AKAP13: variants seen among roughly 807,000 people sequenced by gnomAD.
The protein encoded by AKAP13 is A-kinase anchor protein 13.
Under a neutral mutation model 264.5 loss-of-function variants are expected in AKAP13, and 80 were observed. That is an observed-to-expected ratio of 0.30 (90% CI 0.25 to 0.36). The LOEUF (loss-of-function observed/expected upper bound fraction) is 0.36. Ranked by LOEUF, AKAP13 falls within the 10% of genes least tolerant of loss-of-function variation. The pLI is 1.00. For synonymous variants in AKAP13, 1,380 were observed against 1,250.2 expected (o/e 1.10, Z -2.19); for missense variants, 3,712 against 3,435.2 (o/e 1.08, Z -2.01).
intron 1 of AKAP13, among the ~76,000 whole-genome samples, chr15:85,398,958 G>A (rs988899864): frequency 6.6e-6 from 1 of 151,952 alleles, no homozygotes; most frequent in Non-Finnish European, 1.5e-5. Context: ...CCTTCCTCCT[G>A]CCTCTTTCCT....
At chr15:85,412,385 A>G (rs1357849820) in intron 1 of AKAP13, among the ~76,000 whole-genome samples, 1 of 152,238 alleles carries the variant, frequency 6.6e-6, no homozygotes, top group African/African-American at 2.4e-5. Flanking sequence ...AACCGTTTGA[A>G]TGCAGAAGCA....
chr15:85,585,557 A>G, intron 7 of AKAP13, 145 bp from the exon 8 acceptor site: 3 of 1,164,586 alleles, frequency 2.6e-6, no homozygotes, highest in Middle Eastern at 2.1e-4. Context: ...CAGAAATGAC[A>G]CTAGCCGCTG....
chr15:85,730,593 A>G lies in AKAP13; in HGVS notation c.7168A>G (p.Ser2390Gly). Residue 2390 changes from serine to glycine, a missense_variant, in exon 30 of 37, where the codon AGC becomes GGC. Physicochemically the swap from Ser to Gly is moderately conservative, Grantham distance 56 (BLOSUM62 0). This residue lies in a region of AKAP13 where 342 missense variants were observed against 484.3 expected (regional missense o/e 0.71). Transcript: ENST00000394518. ...GATTTTCCGGGACATGGCTGAGTGC[A>G]GCACCCCTCTCCCAGAGGATTGCTC... Reference protein sequence around the residue: ...EMIFRDMAECSTPLPEDCSPT... With the variant: ...EMIFRDMAECGTPLPEDCSPT... 6.2e-7 allele frequency: 1 copy of G among 1,614,182 alleles called. No individual in the cohort carries two copies. Among genetic ancestry groups the G allele is most frequent in the Non-Finnish European group, 8.5e-7 (1 of 1,180,016 alleles).
chr15:85,727,502 T>C lies in AKAP13; in HGVS notation c.7087+39T>C, dbSNP rs1597192970. 1.2e-6 allele frequency: 2 copies of C among 1,606,624 alleles called. No individual in the cohort carries two copies. The highest frequency in any genetic ancestry group is 8.5e-7 in the Non-Finnish European group (1 of 1,174,096). ...AGTGGTCTGAGCCCCTTGTCTGGAA[T>C]GTCTGCAGTTGCAGAAGACTGCTGG... On this transcript the variant is annotated intron_variant, in intron 29 of 36. Transcript: ENST00000394518. This position sits in a 1 kb window ranked among gnomAD's most constrained non-coding sequence, Gnocchi z 5.3.
intron 1 of AKAP13, among the ~76,000 whole-genome samples, chr15:85,448,643 T>C (rs1189716738): frequency 6.6e-6 from 1 of 152,190 alleles, no homozygotes; most frequent in Non-Finnish European, 1.5e-5. Context: ...TATTGCTTGT[T>C]TTTGTCACCT....
chr15:85,594,095 A>G (rs1459387780), intron 8 of AKAP13, among the ~76,000 whole-genome samples: 2 of 152,138 alleles, frequency 1.3e-5, no homozygotes, highest in Non-Finnish European at 2.9e-5. Context: ...GCCCATCTTA[A>G]GACAGTATGA....
In AKAP13 at chr15:85,718,156, T is replaced by C. The variant is rs766375786; in HGVS notation, c.5998T>C (p.Tyr2000His). ...KDVVKRQEVI[Y>H]ELMQTEFHHV... ...TGTGGTCAAACGGCAAGAAGTAATA[T>C]ATGGTGAGAGTCTTCATTTTGCTCT... The change falls in exon 22 of 37, where the codon TAT becomes CAT. Residue 2000 changes from tyrosine (Y) to histidine (H), a missense_variant. Physicochemically the swap from Tyr to His is moderately conservative, Grantham distance 83. Coordinates refer to ENST00000394518, the MANE Select transcript of AKAP13 (RefSeq NM_007200.5). The surrounding 1 kb of genome is among the most constrained non-coding windows in gnomAD (Gnocchi z 4.9). 1 of 1,614,074 alleles carries C rather than the reference T, an allele frequency of 6.2e-7. No individual in the cohort carries two copies. Among genetic ancestry groups the C allele is most frequent in the South Asian group, 1.1e-5 (1 of 91,072 alleles).
chr15:85,619,982 C>G (rs932599371), intron 8 of AKAP13: 2 of 1,486,630 alleles, frequency 1.3e-6, no homozygotes, highest in Non-Finnish European at 1.8e-6. Flanking sequence ...AGGCAGAGAT[C>G]TCCACCACCT....
chr15:85,598,024 A>G (rs961907655), intron 8 of AKAP13, among the ~76,000 whole-genome samples: 10 of 152,136 alleles, frequency 6.6e-5, no homozygotes, highest in African/African-American at 2.2e-4. Context: ...TTTGGTTTCT[A>G]TGAAAATAAT....
intron 5 of AKAP13, among the ~76,000 whole-genome samples, chr15:85,554,682 A>G (rs2078078319): frequency 6.6e-6 from 1 of 152,100 alleles, no homozygotes; most frequent in Admixed American, 6.5e-5. Context: ...GTCACAATAT[A>G]TCAATCGTTT....
At chr15:85,560,445 C>G (rs1272580455) in intron 5 of AKAP13, among the ~76,000 whole-genome samples, 2 of 152,052 alleles carry the variant, frequency 1.3e-5, no homozygotes, top group East Asian at 3.9e-4. Context: ...CTGCACCCAG[C>G]CTATTTATTT....
At chr15:85,742,502 G>A (rs1450809866) in intron 35 of AKAP13, among the ~76,000 whole-genome samples, 2 of 152,208 alleles carry the variant, frequency 1.3e-5, no homozygotes, top group East Asian at 1.9e-4. Flanking sequence ...AGGGGAGGCC[G>A]CCACTCCTCT....
At chr15:85,406,049 A>C (rs1190126010) in intron 1 of AKAP13, among the ~76,000 whole-genome samples, 1 of 152,162 alleles carries the variant, frequency 6.6e-6, no homozygotes, top group Non-Finnish European at 1.5e-5. Flanking sequence ...ACAGGGTCTC[A>C]CTATGTTGCC....
At chr15:85,495,907 T>C (rs2075857933) in intron 2 of AKAP13, among the ~76,000 whole-genome samples, 1 of 152,210 alleles carries the variant, frequency 6.6e-6, no homozygotes, top group Non-Finnish European at 1.5e-5. Context: ...CTAGATGCCT[T>C]TCTTTATTTA....
chr15:85,723,377 A>C, intron 26 of AKAP13, 57 bp downstream of exon 26: 3 of 1,582,360 alleles, frequency 1.9e-6, no homozygotes, highest in Non-Finnish European at 2.6e-6. Context: ...GCAAAAATCC[A>C]AGTGCTTTTG....
chr15:85,741,246 T>G lies in AKAP13; in HGVS notation c.7809T>G (p.Arg2603=). Residue 2603 remains arginine, a synonymous_variant, in exon 35 of 37, where the codon CGT becomes CGG. Transcript: ENST00000394518. ...QYLEEKRRRE[R]EWEARERELR... is the part of the protein sequence containing the mutation. ...TCGAGGAGAAGCGCAGGCGCGAGCG[T>G]GAGTGGGAAGCTCGTGAGAGGGAGC... 1 of 1,609,482 alleles carries G rather than the reference T, an allele frequency of 6.2e-7. No individual in the cohort carries two copies. Among genetic ancestry groups the G allele is most frequent in the Non-Finnish European group, 8.5e-7 (1 of 1,178,048 alleles).
intron 29 of AKAP13, among the ~76,000 whole-genome samples, chr15:85,729,571 T>A (rs1469245678): frequency 2.6e-5 from 4 of 152,048 alleles, no homozygotes; most frequent in Non-Finnish European, 5.9e-5. Flanking sequence ...TTTAATGAAT[T>A]ATCAGCATAT....
At chr15:85,674,824 A>ATGTGTG (rs71141476) in intron 14 of AKAP13, among the ~76,000 whole-genome samples, 3 of 151,008 alleles carry the variant, frequency 2.0e-5, no homozygotes, top group Admixed American at 6.6e-5. Context: ...TGAAATATGT[A>ATGTGTG]TGTGTGTGTG....
intron 1 of AKAP13, among the ~76,000 whole-genome samples, chr15:85,383,774 C>T (rs565406443): frequency 6.6e-6 from 1 of 152,278 alleles, no homozygotes; most frequent in East Asian, 1.9e-4. Context: ...GTTTTCAGTA[C>T]ATCAGTCATA....
Sources: allele counts gnomAD v4.1 joint callset (sites outside exome capture counted in the v4.1 genomes callset), GRCh38; gene constraint gnomAD v4.1.1; regional missense constraint gnomAD v4.1.1; non-coding constraint Gnocchi (gnomAD v3.1); transcripts MANE v1.5; gene names NCBI Gene and HGNC (gene_info 2026-07-23, HGNC 2026-07-21).